GRID1: variants seen among roughly 807,000 people sequenced by gnomAD.
GRID1 encodes glutamate receptor ionotropic, delta-1.
In GRID1, 28 loss-of-function variants were observed where a neutral mutation model predicts 98.0. The observed-to-expected ratio is 0.29, with a 90% CI of 0.21 to 0.39. The LOEUF (loss-of-function observed/expected upper bound fraction) is 0.39, where lower values mean the gene tolerates loss of function less well. Among genes scored for constraint, GRID1 ranks in the 10% least tolerant of loss-of-function variants. The pLI is 1.00. For missense variants in GRID1, 1,111 were observed against 1,340.5 expected (o/e 0.83, Z 2.67); for synonymous variants, 553 against 538.5 (o/e 1.03, Z -0.37).
chr10:85,733,009 T>C (rs1841842377), intron 8 of GRID1, among the ~76,000 whole-genome samples: 1 of 152,172 alleles, frequency 6.6e-6, no homozygotes, highest in Non-Finnish European at 1.5e-5. Context: ...TTTGTTGAAA[T>C]AAGATTTCAC....
chr10:85,893,274 T>C (rs1305603059), intron 5 of GRID1, among the ~76,000 whole-genome samples: 1 of 152,120 alleles, frequency 6.6e-6, no homozygotes, highest in Non-Finnish European at 1.5e-5. Flanking sequence ...ACATCTAACA[T>C]CATCATTAAT....
chr10:86,301,386 A>G (rs1847684303), intron 2 of GRID1, among the ~76,000 whole-genome samples: 1 of 152,372 alleles, frequency 6.6e-6, no homozygotes, highest in South Asian at 2.1e-4. Context: ...CTGTTGTGCT[A>G]ATGGTGTGTG....
In GRID1 at chr10:85,902,550, T is replaced by C. The variant is rs75934751; in HGVS notation, c.780+13636A>G. Among the ~76,000 whole-genome samples, 1,371 of 152,298 alleles carry C rather than the reference T, an allele frequency of 9.0e-3. 29 individuals are homozygous for C. Among genetic ancestry groups the C allele is most frequent in the African/African-American group, 0.031 (1,289 of 41,548 alleles). On this transcript the variant is annotated intron_variant, in intron 5 of 15. Transcript: ENST00000327946. ...AAACTATATTACTGTTTCTAAGTTA[T>C]GAAAAATTCAGATATTGCTGGGATT...
At chr10:86,000,836 T>C (rs1299846919) in intron 4 of GRID1, among the ~76,000 whole-genome samples, 1 of 152,158 alleles carries the variant, frequency 6.6e-6, no homozygotes. Flanking sequence ...ACACTTACCA[T>C]ACAACTAAGC....
intron 8 of GRID1, among the ~76,000 whole-genome samples, chr10:85,768,108 G>A (rs1024205915): frequency 2.0e-5 from 3 of 152,140 alleles, no homozygotes; most frequent in South Asian, 2.1e-4. Context: ...AGCTAAAATC[G>A]ATTAAAAGGA....
chr10:85,984,156 C>T (rs1170875555), intron 4 of GRID1, among the ~76,000 whole-genome samples: 2 of 152,256 alleles, frequency 1.3e-5, no homozygotes, highest in African/African-American at 4.8e-5. Context: ...AACCCATCTC[C>T]CTGGCTTCAT....
intron 4 of GRID1, among the ~76,000 whole-genome samples, chr10:85,946,338 A>G (rs1290632701): frequency 6.6e-6 from 1 of 152,218 alleles, no homozygotes; most frequent in Non-Finnish European, 1.5e-5. Context: ...GCAGCCAGGT[A>G]AGGTCACTGC....
chr10:86,178,394 G>T (rs988331358), intron 3 of GRID1, among the ~76,000 whole-genome samples: 1 of 152,140 alleles, frequency 6.6e-6, no homozygotes, highest in African/African-American at 2.4e-5. Context: ...AGCAAGGCTG[G>T]GTGACAGCAA....
In GRID1 at chr10:86,206,608, C is replaced by T. The variant is rs370422959; in HGVS notation, c.276G>A (p.Thr92=). ...CATTGGCAGATGCACAGCCAGTGGA[C>T]GTGACCAAGGCCAAAATCCCCTGGG... ...LMTQGILALV[T]STGCASANAL... Residue 92 remains threonine, a synonymous_variant, in exon 3 of 16, where the codon ACG becomes ACA. Transcript: ENST00000327946. This position sits in a 1 kb window ranked among gnomAD's most constrained non-coding sequence, Gnocchi z 4.1. The T allele has an allele frequency of 2.5e-5, 40 of 1,613,938 alleles. No individual in the cohort carries two copies. Among genetic ancestry groups the T allele is most frequent in the East Asian group, 6.7e-5 (3 of 44,896 alleles).
intron 8 of GRID1, among the ~76,000 whole-genome samples, chr10:85,773,155 C>A (rs371756101): frequency 0.067 from 10,126 of 152,092 alleles, 403 homozygotes; most frequent in Middle Eastern, 0.13. Flanking sequence ...CCTGGGATGC[C>A]AGGCTGGTTC....
At chr10:86,099,271 G>A (rs141480077) in intron 4 of GRID1, among the ~76,000 whole-genome samples, 13 of 152,302 alleles carry the variant, frequency 8.5e-5, no homozygotes, top group Admixed American at 3.3e-4. Context: ...TAGATGAGGG[G>A]TGCTGAGCAC....
intron 2 of GRID1, among the ~76,000 whole-genome samples, chr10:86,229,187 A>T (rs1013414405): frequency 1.3e-5 from 2 of 152,054 alleles, no homozygotes; most frequent in African/African-American, 4.8e-5. Flanking sequence ...CTCCCATGGG[A>T]ACCTCAGTGC....
chr10:86,184,814 G>A (rs11201929), intron 3 of GRID1, among the ~76,000 whole-genome samples: 27,411 of 152,098 alleles, frequency 0.18, 3,463 homozygotes, highest in African/African-American at 0.35. Context: ...CTGCAGTATA[G>A]AAACATCAAT....
intron 4 of GRID1, among the ~76,000 whole-genome samples, chr10:85,977,849 C>A (rs1842492823): frequency 6.6e-6 from 1 of 152,168 alleles, no homozygotes. Flanking sequence ...CAATGCCAAG[C>A]CCAACACTAA....
chr10:86,136,695 A>G (rs1177281736), intron 4 of GRID1, among the ~76,000 whole-genome samples: 2 of 152,212 alleles, frequency 1.3e-5, no homozygotes, highest in Non-Finnish European at 2.9e-5. Context: ...ATCGGCGGAG[A>G]CTGAAGACTA....
intron 4 of GRID1, among the ~76,000 whole-genome samples, chr10:85,980,252 G>C (rs1198737730): frequency 6.6e-6 from 1 of 152,228 alleles, no homozygotes; most frequent in Admixed American, 6.5e-5. Flanking sequence ...GCCCCTGTTG[G>C]ATAGTGTCAG....
At chr10:85,917,279 ATTTTATTATT>A (rs1841634425) in intron 4 of GRID1, among the ~76,000 whole-genome samples, 1 of 151,888 alleles carries the variant, frequency 6.6e-6, no homozygotes, top group African/African-American at 2.4e-5. Context: ...TTGTAATGTA[ATTTTATTATT>A]CCTTTTATCA....
chr10:85,731,812 AAG>A (rs869031205), intron 8 of GRID1, among the ~76,000 whole-genome samples: 121 of 136,738 alleles, frequency 8.8e-4, no homozygotes, highest in African/African-American at 2.7e-3. Context: ...AAAAAAAAAA[AAG>A]AAGAAGAAGG....
At chr10:86,324,761 A>T (rs1483068346) in intron 2 of GRID1, among the ~76,000 whole-genome samples, 1 of 150,574 alleles carries the variant, frequency 6.6e-6, no homozygotes, top group Non-Finnish European at 1.5e-5. Context: ...AGATTAAGTT[A>T]TGCTAATAAA....
Sources: allele counts gnomAD v4.1 joint callset (sites outside exome capture counted in the v4.1 genomes callset), GRCh38; gene constraint gnomAD v4.1.1; non-coding constraint Gnocchi (gnomAD v3.1); transcripts MANE v1.5; gene names NCBI Gene and HGNC (gene_info 2026-07-23, HGNC 2026-07-21).